The following BAZ2B variants were observed in gnomAD, a reference collection of about 807,000 sequenced individuals.
BAZ2B encodes bromodomain adjacent to zinc finger domain protein 2B.
A neutral mutation model predicts 246.0 loss-of-function variants in BAZ2B; 91 were observed. The observed-to-expected ratio is 0.37, with a 90% CI of 0.31 to 0.44. The LOEUF is 0.44. Among genes scored for constraint, BAZ2B ranks in the 20% least tolerant of loss-of-function variants. The pLI, the probability that BAZ2B is intolerant of heterozygous loss-of-function variation, is 1.00. For missense variants in BAZ2B, 2,332 were observed against 2,533.7 expected, an observed-to-expected ratio of 0.92 and a Z score of 1.71; for synonymous variants, 855 against 860.0, an observed-to-expected ratio of 0.99 and a Z score of 0.10.
intron 27 of BAZ2B, among the ~76,000 whole-genome samples, chr2:159,367,938 T>C (rs1482662327): frequency 6.6e-6 from 1 of 152,152 alleles, no homozygotes; most frequent in Admixed American, 6.5e-5. Context: ...ATTGTTAATG[T>C]TGAATTAACT....
chr2:159,455,004 T>A (rs2075561691), intron 3 of BAZ2B, among the ~76,000 whole-genome samples: 1 of 152,146 alleles, frequency 6.6e-6, no homozygotes, highest in African/African-American at 2.4e-5. Context: ...ATAATTAAGG[T>A]ACCCTGTCTT....
intron 34 of BAZ2B, 152 bp from the exon 35 acceptor site, chr2:159,326,070 G>T: frequency 1.5e-6 from 1 of 674,780 alleles, no homozygotes; most frequent in Non-Finnish European, 2.3e-6. Context: ...AAAGATCTGT[G>T]TATTTTTTCC....
intron 31 of BAZ2B, among the ~76,000 whole-genome samples, chr2:159,341,668 T>C (rs375669828): frequency 5.6e-4 from 86 of 152,308 alleles, no homozygotes; most frequent in African/African-American, 1.6e-3. Context: ...ATATCAAGTA[T>C]CTTCTCTGAC....
At chr2:159,445,333 A>C (rs1010396125) in intron 6 of BAZ2B, among the ~76,000 whole-genome samples, 3 of 152,230 alleles carry the variant, frequency 2.0e-5, no homozygotes, top group Admixed American at 6.5e-5. Flanking sequence ...GTGACCTCTA[A>C]ATAATACAGG....
chr2:159,501,403 T>A (rs764776281), intron 2 of BAZ2B, among the ~76,000 whole-genome samples: 1 of 147,814 alleles, frequency 6.8e-6, no homozygotes, highest in Non-Finnish European at 1.5e-5. Context: ...CAAATTCATA[T>A]GCTGTACACA....
chr2:159,499,329 A>G (rs1258306546), intron 2 of BAZ2B, among the ~76,000 whole-genome samples: 2 of 152,166 alleles, frequency 1.3e-5, no homozygotes, highest in Non-Finnish European at 2.9e-5. Flanking sequence ...TTCGAACTCC[A>G]TCCATGTCCC....
chr2:159,538,783 T>C (rs2086309162), intron 2 of BAZ2B, among the ~76,000 whole-genome samples: 1 of 152,176 alleles, frequency 6.6e-6, no homozygotes, highest in African/African-American at 2.4e-5. Context: ...TTCAAAACTT[T>C]TAACATTTTA....
rs2070378704 is a variant in BAZ2B at position 159,428,292 on chromosome 2, T to C, written c.2364+19A>G. The C allele has an allele frequency of 6.3e-7, 1 of 1,589,680 alleles. No homozygotes were observed. Among genetic ancestry groups the C allele is most frequent in the Non-Finnish European group, 8.6e-7 (1 of 1,161,504 alleles). On this transcript the variant is annotated intron_variant, in intron 12 of 36. Coordinates refer to ENST00000392783, the MANE Select transcript of BAZ2B (RefSeq NM_013450.4). The stretch of plus-strand genomic sequence containing the variant: ...CTTAATAGGCACCAAATGTACATTA[T>C]TTGGTGAAAAGTATGTACCTTTATT...
the BAZ2B span, among the ~76,000 whole-genome samples, chr2:159,667,864 G>A: frequency 2.0e-5 from 3 of 151,800 alleles, no homozygotes; most frequent in Non-Finnish European, 4.4e-5. Context: ...GTCTATTATT[G>A]CTTGTTTTTA....
the BAZ2B span, chr2:159,689,668 G>A: frequency 1.2e-5 from 4 of 320,364 alleles, 1 homozygote; most frequent in Admixed American, 4.4e-5. Flanking sequence ...CACTGTTCCT[G>A]GCCAGCATTT....
At chr2:159,476,711 G>T (rs2078602964) in intron 3 of BAZ2B, among the ~76,000 whole-genome samples, 1 of 152,122 alleles carries the variant, frequency 6.6e-6, no homozygotes, top group South Asian at 2.1e-4. Context: ...GACTAATTCA[G>T]AAATAAATAA....
chr2:159,316,709 A>AG (rs2062165505), downstream of BAZ2B, among the ~76,000 whole-genome samples: 1 of 149,608 alleles, frequency 6.7e-6, no homozygotes, highest in South Asian at 2.1e-4. Context: ...AAAAAAAAAA[A>AG]AAAAAAAAGA....
Position 159,350,090 on chromosome 2 carries a change from T to C in BAZ2B, c.4481A>G (p.Asn1494Ser). 6.2e-7 allele frequency: 1 copy of C among 1,614,104 alleles called. No individual in the cohort carries two copies. Among genetic ancestry groups the C allele is most frequent in the Non-Finnish European group, 8.5e-7 (1 of 1,180,010 alleles). The change falls in exon 28 of 37, where the codon AAT (asparagine) becomes AGT (serine). Residue 1494 changes from asparagine to serine, a missense_variant. Physicochemically the swap from Asn to Ser is conservative, Grantham distance 46 (BLOSUM62 1). Around this residue, in one of 9 missense-constraint regions of BAZ2B, gnomAD observed 676 missense variants for 668.6 expected, o/e 1.01. Coordinates refer to ENST00000392783, the MANE Select transcript of BAZ2B (RefSeq NM_013450.4). ...VMTPKPNAGA[N>S]GCTLSYQNSG... ...GTTCTGATAAGACAACGTGCACCCATTTGCACCAGCATTTGGTTTGGGGGT... is the reference window on the plus strand; with the variant it reads ...GTTCTGATAAGACAACGTGCACCCACTTGCACCAGCATTTGGTTTGGGGGT...
chr2:159,411,655 C>A (rs2066863710), intron 14 of BAZ2B, among the ~76,000 whole-genome samples: 1 of 152,238 alleles, frequency 6.6e-6, no homozygotes, highest in East Asian at 1.9e-4. Flanking sequence ...AACTGCAAAG[C>A]CAAACTGTTC....
At chr2:159,576,180 A>G (rs2151598224) in intron 1 of BAZ2B, among the ~76,000 whole-genome samples, 1 of 152,304 alleles carries the variant, frequency 6.6e-6, no homozygotes, top group African/African-American at 2.4e-5. Flanking sequence ...CTAGCTTTGT[A>G]ATCTTGGGCA....
intron 31 of BAZ2B, among the ~76,000 whole-genome samples, chr2:159,345,855 C>T (rs2067690784): frequency 6.6e-6 from 1 of 152,224 alleles, no homozygotes; most frequent in African/African-American, 2.4e-5. Context: ...AACCTCTTCT[C>T]ATTTCCTGAG....
At chr2:159,631,256 T>G in the BAZ2B span, among the ~76,000 whole-genome samples, 3 of 152,304 alleles carry the variant, frequency 2.0e-5, no homozygotes, top group South Asian at 6.2e-4. Context: ...TTTGGGAAAT[T>G]AATTTTTGAA....
chr2:159,341,299 TATAA>T (rs1050951945), intron 31 of BAZ2B, among the ~76,000 whole-genome samples: 1 of 152,154 alleles, frequency 6.6e-6, no homozygotes, highest in Admixed American at 6.5e-5. Context: ...AGGACAATTA[TATAA>T]ATAAAGGGAT....
intron 2 of BAZ2B, among the ~76,000 whole-genome samples, chr2:159,501,723 G>A (rs1042866997): frequency 6.6e-6 from 1 of 152,046 alleles, no homozygotes; most frequent in Non-Finnish European, 1.5e-5. Flanking sequence ...TACTTCAAAT[G>A]TTGAAAAGTT....
Sources: allele counts gnomAD v4.1 joint callset (sites outside exome capture counted in the v4.1 genomes callset), GRCh38; gene constraint gnomAD v4.1.1; regional missense constraint gnomAD v4.1.1; transcripts MANE v1.5; gene names NCBI Gene and HGNC (gene_info 2026-07-23, HGNC 2026-07-21).